Variants in CYP2C18 observed in about 807,000 individuals in gnomAD.
The protein encoded by CYP2C18 is cytochrome P450 2C18.
CYP2C18 carries 38 observed loss-of-function variants against 41.3 expected under a neutral mutation model. The observed-to-expected ratio is 0.92, with a 90% CI of 0.71 to 1.21. The LOEUF (loss-of-function observed/expected upper bound fraction) is 1.21. CYP2C18 is among the 50% of genes most tolerant of loss of function. The probability of loss-of-function intolerance (pLI) is 0.00; values close to 1 mark genes in which losing one functional copy is unlikely to be tolerated. For missense variants in CYP2C18, 635 were observed against 591.4 expected (o/e 1.07, Z -0.77); for synonymous variants, 236 against 210.0 (o/e 1.12, Z -1.07).
intron 5 of CYP2C18, among the ~76,000 whole-genome samples, chr10:94,715,397 G>T (rs78945338): frequency 0.2 from 30,589 of 152,086 alleles, 3,275 homozygotes; most frequent in Middle Eastern, 0.23. Flanking sequence ...GAAGGTTTTT[G>T]AATTTTGTCA....
chr10:94,705,712 G>A (rs766742178), intron 4 of CYP2C18, among the ~76,000 whole-genome samples: 7 of 152,036 alleles, frequency 4.6e-5, no homozygotes, highest in East Asian at 1.9e-4. Flanking sequence ...CCAATTTTGC[G>A]GGCATTATTC....
At chr10:94,729,603 T>C (rs1847796567) in intron 7 of CYP2C18, among the ~76,000 whole-genome samples, 1 of 152,140 alleles carries the variant, frequency 6.6e-6, no homozygotes, top group African/African-American at 2.4e-5. Flanking sequence ...TTTGCTTGAA[T>C]TATCAATTCG....
chr10:94,720,831 G>A (rs555142778), intron 6 of CYP2C18, among the ~76,000 whole-genome samples: 11 of 152,128 alleles, frequency 7.2e-5, no homozygotes, highest in Non-Finnish European at 1.5e-4. Context: ...GAGACGATTT[G>A]TAGCAGGCAC....
In CYP2C18 at chr10:94,716,098, T is replaced by C. The variant is rs368353803; in HGVS notation, c.820-4298T>C. 7.9e-5 allele frequency among the ~76,000 whole-genome samples: 12 copies of C among 152,206 alleles called. No individual in the cohort carries two copies. In the South Asian group the frequency reaches 2.3e-3, roughly 29 times the overall value. Reference sequence around the variant, plus strand: ...TTTTCTTCTTTATTAGTCTTGCTAGTGGTCTATCAATTTTGTTGATCTTTT... The same window carrying C: ...TTTTCTTCTTTATTAGTCTTGCTAGCGGTCTATCAATTTTGTTGATCTTTT... On this transcript the variant is annotated intron_variant, in intron 5 of 8. Transcript: ENST00000285979.
chr10:94,700,537 G>A (rs144340711), intron 4 of CYP2C18, among the ~76,000 whole-genome samples: 7,263 of 152,234 alleles, frequency 0.048, 234 homozygotes, highest in South Asian at 0.12. Flanking sequence ...GAAAACCTAG[G>A]CAATACCATT....
intron 4 of CYP2C18, among the ~76,000 whole-genome samples, chr10:94,702,515 T>G (rs1335504328): frequency 1.3e-5 from 2 of 151,918 alleles, no homozygotes; most frequent in Non-Finnish European, 2.9e-5. Flanking sequence ...TTTCTTCTGC[T>G]TGATCAATTT....
At chr10:94,710,975 A>G (rs970895108) in intron 5 of CYP2C18, among the ~76,000 whole-genome samples, 23 of 152,188 alleles carry the variant, frequency 1.5e-4, no homozygotes, top group Admixed American at 3.9e-4. Context: ...TTTGTGTTAC[A>G]TATTTCCCTC....
intron 3 of CYP2C18, among the ~76,000 whole-genome samples, chr10:94,692,791 A>G (rs1847030579): frequency 6.6e-6 from 1 of 152,200 alleles, no homozygotes; most frequent in Non-Finnish European, 1.5e-5. Context: ...ACAACGATAG[A>G]CTGGATTAAG....
At chr10:94,714,681 G>A (rs1847507175) in intron 5 of CYP2C18, among the ~76,000 whole-genome samples, 1 of 152,144 alleles carries the variant, frequency 6.6e-6, no homozygotes, top group Admixed American at 6.6e-5. Flanking sequence ...GGTTCCATAT[G>A]AACTTTAAAG....
intron 4 of CYP2C18, among the ~76,000 whole-genome samples, chr10:94,696,963 A>T (rs901898380): frequency 2.0e-5 from 3 of 152,214 alleles, no homozygotes; most frequent in Admixed American, 6.5e-5. Flanking sequence ...AAAGCCTCCA[A>T]GAAATATAGG....
chr10:94,706,639 A>G, intron 4 of CYP2C18, 145 bp from the exon 5 acceptor site: 1 of 529,340 alleles, frequency 1.9e-6, no homozygotes, highest in South Asian at 2.7e-5. Flanking sequence ...AGTATAGAGG[A>G]CTACTTTGTA....
intron 4 of CYP2C18, among the ~76,000 whole-genome samples, chr10:94,700,604 A>G (rs1452209110): frequency 2.0e-5 from 3 of 152,246 alleles, no homozygotes; most frequent in Admixed American, 6.5e-5. Flanking sequence ...CAATGGCAAC[A>G]AAAGCCAAAT....
intron 1 of CYP2C18, 86 bp from the exon 2 acceptor site, chr10:94,687,681 TATG>T: frequency 9.0e-7 from 1 of 1,111,222 alleles, no homozygotes; most frequent in East Asian, 2.4e-5. Context: ...ATAACAACAT[TATG>T]ATGATAATAT....
rs112932211 is a variant in CYP2C18, at chr10:94,693,099, C to T, written c.482-1818C>T. Among the ~76,000 whole-genome samples, 374 of 152,168 alleles carry T rather than the reference C, an allele frequency of 2.5e-3. 2 individuals are homozygous for T. The highest frequency in any genetic ancestry group is 7.9e-3 in the African/African-American group (328 of 41,502). The stretch of plus-strand genomic sequence containing the variant: ...TAATGGGTGCAGCACACCAACATGG[C>T]ACACGTATACATATGTAACAAACCT... On this transcript the variant is annotated intron_variant, in intron 3 of 8. Coordinates refer to ENST00000285979, the MANE Select transcript of CYP2C18 (RefSeq NM_000772.3).
At chr10:94,698,062 G>A (rs574048930) in intron 4 of CYP2C18, among the ~76,000 whole-genome samples, 1 of 152,108 alleles carries the variant, frequency 6.6e-6, no homozygotes, top group Non-Finnish European at 1.5e-5. Context: ...GTCAACATTA[G>A]ACAGATCAAG....
intron 4 of CYP2C18, among the ~76,000 whole-genome samples, chr10:94,705,100 C>A (rs1361376971): frequency 6.6e-6 from 1 of 152,096 alleles, no homozygotes; most frequent in Non-Finnish European, 1.5e-5. Flanking sequence ...AAGATCACTG[C>A]CAAGCTGATG....
intron 3 of CYP2C18, 94 bp downstream of exon 3, chr10:94,688,368 G>A: frequency 7.1e-7 from 1 of 1,418,088 alleles, no homozygotes; most frequent in South Asian, 1.4e-5. Context: ...TATTTATGGG[G>A]TACATGTAAT....
At chr10:94,695,441 C>T (rs959633347) in intron 4 of CYP2C18, among the ~76,000 whole-genome samples, 4 of 152,128 alleles carry the variant, frequency 2.6e-5, no homozygotes, top group African/African-American at 9.7e-5. Flanking sequence ...TGGTTTCCAG[C>T]TTCATCCATG....
chr10:94,732,915 T>C (rs1847858158), intron 7 of CYP2C18, among the ~76,000 whole-genome samples: 1 of 151,998 alleles, frequency 6.6e-6, no homozygotes, highest in African/African-American at 2.4e-5. Context: ...AATATACCCA[T>C]GTAACAGTCC....
Sources: allele counts gnomAD v4.1 joint callset (sites outside exome capture counted in the v4.1 genomes callset), GRCh38; gene constraint gnomAD v4.1.1; transcripts MANE v1.5; gene names NCBI Gene and HGNC (gene_info 2026-07-23, HGNC 2026-07-21).